Variants in ANKRD36C observed in about 807,000 individuals in gnomAD.
ANKRD36C encodes ankyrin repeat domain-containing protein 36C.
ANKRD36C carries 61 observed loss-of-function variants against 276.4 expected under a neutral mutation model. That is an observed-to-expected ratio of 0.22 (90% CI 0.18 to 0.27). The LOEUF is 0.27. Among genes scored for constraint, ANKRD36C ranks in the 10% least tolerant of loss-of-function variants. ANKRD36C has a pLI of 1.00. For synonymous variants in ANKRD36C, 483 were observed against 680.1 expected (o/e 0.71, Z 4.51); for missense variants, 1,447 against 2,032.3 (o/e 0.71, Z 5.54).
intron 42 of ANKRD36C, among the ~76,000 whole-genome samples, 171 bp downstream of exon 54, chr2:95,902,715 G>C (rs1488398815): frequency 6.7e-6 from 1 of 150,354 alleles, no homozygotes; most frequent in African/African-American, 2.4e-5. Context: ...CGAAGATCAT[G>C]TTCCAGACCA....
chr2:95,888,036 T>C (rs1309294982), intron 49 of ANKRD36C, 39 bp from the exon 70 acceptor site: 2 of 1,606,904 alleles, frequency 1.2e-6, no homozygotes, highest in African/African-American at 2.7e-5. Context: ...ATACATAAAC[T>C]ATGTTTCATA....
At chr2:95,940,323 A>T (rs1203669185) in intron 20 of ANKRD36C, among the ~76,000 whole-genome samples, 10 of 152,028 alleles carry the variant, frequency 6.6e-5, no homozygotes, top group African/African-American at 2.4e-4. Flanking sequence ...CGCCCGGCTT[A>T]ATCAACTTTT....
intron 28 of ANKRD36C, among the ~76,000 whole-genome samples, chr2:95,926,701 C>T (rs1677410821): frequency 1.3e-5 from 2 of 151,500 alleles, no homozygotes; most frequent in Non-Finnish European, 3.0e-5. Context: ...CTCAGGTTTC[C>T]TCAGAAGAAA....
intron 30 of ANKRD36C, among the ~76,000 whole-genome samples, chr2:95,924,662 AT>A (rs762121203): frequency 6.6e-6 from 1 of 151,658 alleles, no homozygotes; most frequent in Non-Finnish European, 1.5e-5. Context: ...CTAATAAAAA[AT>A]ATATGTCTGA....
At position 95,868,116 on chromosome 2, in the gene ANKRD36C, T is replaced by C. The variant is rs537705347; in HGVS notation, c.3541-535A>G. On this transcript the variant is annotated intron_variant, in intron 59 of 66. Coordinates refer to ENST00000456556, the Ensembl canonical transcript of ANKRD36C. ...CTTTGCATATATCACTTAATTCCAC[T>C]TCTAGACATACTGCTGATGTTCTGT... Among the ~76,000 whole-genome samples the C allele has an allele frequency of 7.2e-5, 11 of 151,756 alleles. 1 individual carries two copies. Among genetic ancestry groups the C allele is most frequent in the African/African-American group, 2.7e-4 (11 of 41,424 alleles).
intron 6 of ANKRD36C, among the ~76,000 whole-genome samples, chr2:95,967,468 C>A (rs1313106346): frequency 6.6e-6 from 1 of 152,110 alleles, no homozygotes; most frequent in Non-Finnish European, 1.5e-5. Flanking sequence ...GAATGGCAAT[C>A]GTTAAAAGGT....
intron 45 of ANKRD36C, 29 bp from the exon 66 acceptor site, chr2:95,891,766 A>C (rs1676369384): frequency 1.9e-6 from 3 of 1,564,808 alleles, no homozygotes; most frequent in Non-Finnish European, 2.6e-6. Context: ...GAAATAATAA[A>C]TTAATAAAGT....
exon 4 of ANKRD36C, chr2:95,982,310 A>G (rs1678939442): frequency 1.3e-6 from 2 of 1,551,050 alleles, no homozygotes; most frequent in African/African-American, 2.7e-5. Flanking sequence ...TAAAAATTCC[A>G]CCATTTTCAC....
At chr2:95,874,975 A>G (rs1208094490) in intron 59 of ANKRD36C, among the ~76,000 whole-genome samples, 1 of 152,242 alleles carries the variant, frequency 6.6e-6, no homozygotes, top group Non-Finnish European at 1.5e-5. Flanking sequence ...CAAAACCACA[A>G]TGAGATACCA....
In ANKRD36C at chr2:95,984,885, C is replaced by T. The variant is rs2918834; in HGVS notation, c.486+1866G>A. ...TCTAATAATGACCTATATGTATTCT[C>T]TGTATTCTTACTAACTTCATGGTTT... On this transcript the variant is annotated intron_variant, in intron 3 of 66. Coordinates refer to ENST00000456556, the Ensembl canonical transcript of ANKRD36C. Among the ~76,000 whole-genome samples, 10 of 152,212 alleles carry T rather than the reference C, an allele frequency of 6.6e-5. No individual in the cohort carries two copies. The South Asian group carries it at 1.5e-3, about 22-fold the overall frequency.
intron 42 of ANKRD36C, among the ~76,000 whole-genome samples, 165 bp downstream of exon 50, chr2:95,906,466 C>T (rs1165927570): frequency 8.7e-6 from 1 of 115,130 alleles, no homozygotes; most frequent in Non-Finnish European, 1.9e-5. Flanking sequence ...AGATCATGTT[C>T]CAGACCAGCA....
intron 6 of ANKRD36C, among the ~76,000 whole-genome samples, chr2:95,976,021 T>C (rs1377889538): frequency 1.3e-5 from 2 of 151,962 alleles, no homozygotes; most frequent in East Asian, 1.9e-4. Context: ...AAAAAACACA[T>C]GAAAAAATGC....
chr2:95,917,663 A>C (rs1677140871), intron 36 of ANKRD36C, among the ~76,000 whole-genome samples, 192 bp downstream of exon 38: 1 of 151,546 alleles, frequency 6.6e-6, no homozygotes. Context: ...TCATACTGCA[A>C]AGATCACGTT....
At chr2:95,911,729 G>C (rs1676932119) in intron 42 of ANKRD36C, among the ~76,000 whole-genome samples, 1 of 151,292 alleles carries the variant, frequency 6.6e-6, no homozygotes, top group African/African-American at 2.4e-5. Flanking sequence ...GGATTCCTCC[G>C]CAGTAACCCC....
intron 61 of ANKRD36C, among the ~76,000 whole-genome samples, chr2:95,859,179 G>A (rs78180595): frequency 6.6e-6 from 1 of 151,818 alleles, no homozygotes; most frequent in Non-Finnish European, 1.5e-5. Context: ...GATTACAGGT[G>A]CAACCACCAC....
chr2:95,888,365 T>C (rs1676252201), intron 48 of ANKRD36C, among the ~76,000 whole-genome samples: 1 of 151,618 alleles, frequency 6.6e-6, no homozygotes, highest in Non-Finnish European at 1.5e-5. Context: ...AAAACTAAAA[T>C]AAAACCATGT....
At position 95,923,490 on chromosome 2, in the gene ANKRD36C, A is replaced by G; in HGVS notation, c.2143+5T>C. 6.2e-7 allele frequency: 1 copy of G among 1,610,580 alleles called. No homozygotes were observed. The highest frequency in any genetic ancestry group is 1.1e-5 in the South Asian group (1 of 90,926). ...CATGACATTTAATGTGTTTTGCAAA[A>G]TTACCTGTCCCACATTGTAGTCCAT... is the stretch of plus-strand genomic sequence containing the variant. On this transcript the variant is annotated splice_donor_5th_base_variant and intron_variant, in intron 32 of 66. Transcript: ENST00000456556.
At position 95,980,611 on chromosome 2, in the gene ANKRD36C, A is replaced by G. The variant is rs189987092; in HGVS notation, c.731+37T>C. 490 of 1,593,530 alleles carry G rather than the reference A, an allele frequency of 3.1e-4. 3 individuals carry two copies. The East Asian group carries it at 0.011, about 35-fold the overall frequency. On this transcript the variant is annotated intron_variant, in intron 5 of 66. Transcript: ENST00000456556. ...ATTGCTACAATTATTTTAAACTTCAATTTAGTGTTCATTAGCCTTTTTATG... is the reference window on the plus strand; with the variant it reads ...ATTGCTACAATTATTTTAAACTTCAGTTTAGTGTTCATTAGCCTTTTTATG...
intron 52 of ANKRD36C, among the ~76,000 whole-genome samples, 187 bp from the exon 73 acceptor site, chr2:95,884,555 T>C (rs1381748306): frequency 6.6e-6 from 1 of 152,006 alleles, no homozygotes; most frequent in Non-Finnish European, 1.5e-5. Flanking sequence ...ACAGCCTTCA[T>C]GAAAAATATA....
Sources: allele counts gnomAD v4.1 joint callset (sites outside exome capture counted in the v4.1 genomes callset), GRCh38; gene constraint gnomAD v4.1.1; transcripts MANE v1.5; gene names NCBI Gene and HGNC (gene_info 2026-07-23, HGNC 2026-07-21).